TRMT44: variants seen among roughly 807,000 people sequenced by gnomAD.
The protein encoded by TRMT44 is probable tRNA (uracil-O(2)-)-methyltransferase.
In TRMT44, 78 loss-of-function variants were observed where a neutral mutation model predicts 77.3. That is an observed-to-expected ratio of 1.01 (90% CI 0.84 to 1.22). TRMT44 has a LOEUF of 1.22. Ranked by LOEUF, TRMT44 falls within the 50% of genes most tolerant of loss-of-function variation. The pLI is 0.00. For synonymous variants in TRMT44, 391 were observed against 383.3 expected (o/e 1.02, Z -0.23); for missense variants, 1,090 against 964.4 (o/e 1.13, Z -1.73).
At chr4:8,500,357 T>C in the TRMT44 span, among the ~76,000 whole-genome samples, 1 of 151,910 alleles carries the variant, frequency 6.6e-6, no homozygotes, top group Non-Finnish European at 1.5e-5. Flanking sequence ...CTGGGCTTAG[T>C]GACGTGCACC....
chr4:8,461,852 T>C lies in TRMT44; in HGVS notation c.1204-2133T>C, dbSNP rs1172242210. On this transcript the variant is annotated intron_variant, in intron 6 of 10. Transcript: ENST00000389737. This position sits in a 1 kb window ranked among gnomAD's most constrained non-coding sequence, Gnocchi z 4.6. ...ACGTGCACATGGTGTTTGTGGATTTTCTAGTGAATGATTTCCTTCCAGCTG... is the reference window on the plus strand; with the variant it reads ...ACGTGCACATGGTGTTTGTGGATTTCCTAGTGAATGATTTCCTTCCAGCTG... 6.6e-6 allele frequency among the ~76,000 whole-genome samples: 1 copy of C among 152,194 alleles called. No homozygotes were observed. The highest frequency in any genetic ancestry group is 6.5e-5 in the Admixed American group (1 of 15,282).
intron 10 of TRMT44, among the ~76,000 whole-genome samples, chr4:8,472,744 C>G (rs758146120): frequency 6.6e-6 from 1 of 152,178 alleles, no homozygotes; most frequent in Non-Finnish European, 1.5e-5. Flanking sequence ...CCTGAGGCTG[C>G]CCCCAGAGTA....
chr4:8,506,154 C>T, the TRMT44 span, among the ~76,000 whole-genome samples: 1 of 152,218 alleles, frequency 6.6e-6, no homozygotes, highest in Admixed American at 6.5e-5. Context: ...AGAGAAGGGG[C>T]ACTCCCTGCT....
rs113458147 is a variant in TRMT44, at chr4:8,450,443, G to GAA, written c.954+564_954+565dup. ...TTTAATTGAAAAGTAATGGAACCTTGAAAAAAAAAATGGCTAAATTACCAT... is the reference window on the plus strand; with the variant it reads ...TTTAATTGAAAAGTAATGGAACCTTGAAAAAAAAAAAATGGCTAAATTACCAT... On this transcript the variant is annotated intron_variant, in intron 3 of 10. Coordinates refer to ENST00000389737, the MANE Select transcript of TRMT44 (RefSeq NM_152544.3). Among the ~76,000 whole-genome samples, 19 of 147,418 alleles carry GAA rather than the reference G, an allele frequency of 1.3e-4. 1 individual carries two copies. Among genetic ancestry groups the GAA allele is most frequent in the African/African-American group, 4.0e-4 (16 of 40,348 alleles).
intron 6 of TRMT44, among the ~76,000 whole-genome samples, chr4:8,463,354 C>A (rs148414442): frequency 3.0e-4 from 46 of 152,282 alleles, no homozygotes; most frequent in African/African-American, 1.1e-3. Flanking sequence ...GTTCTTAAAT[C>A]ATAAAAGCAA....
the TRMT44 span, among the ~76,000 whole-genome samples, chr4:8,504,278 G>A: frequency 6.6e-6 from 1 of 152,148 alleles, no homozygotes; most frequent in East Asian, 1.9e-4. This position sits in a 1 kb window ranked among gnomAD's most constrained non-coding sequence, Gnocchi z 5.3. Context: ...GCTCCTGCAG[G>A]GCTGAGCAAT....
At position 8,464,542 on chromosome 4, in the gene TRMT44, C is replaced by T. The variant is rs141291270; in HGVS notation, c.1310+451C>T. On this transcript the variant is annotated intron_variant, in intron 7 of 10. Transcript: ENST00000389737. ...TGTGTGTGTCCGAGAGACTTGGTCA[C>T]GAAGCAGGTTGTGCTGCTCCTCGTT... 5.1e-4 allele frequency among the ~76,000 whole-genome samples: 77 copies of T among 152,346 alleles called. No individual in the cohort carries two copies. In the East Asian group the frequency reaches 0.011, roughly 21 times the overall value.
the TRMT44 span, among the ~76,000 whole-genome samples, chr4:8,516,623 TA>T: frequency 1.3e-5 from 2 of 151,674 alleles, no homozygotes; most frequent in Non-Finnish European, 2.9e-5. Context: ...CTACCAAGAA[TA>T]AAAAAAATTA....
At chr4:8,497,162 A>G (rs535177366), downstream of TRMT44, among the ~76,000 whole-genome samples, 31 of 61,018 alleles carry the variant, frequency 5.1e-4, no homozygotes, top group Admixed American at 8.4e-4. Flanking sequence ...AGGTTGAGGG[A>G]AAAAAAAAAA....
At chr4:8,460,679 G>A (rs1017670117) in intron 6 of TRMT44, among the ~76,000 whole-genome samples, 6 of 151,440 alleles carry the variant, frequency 4.0e-5, no homozygotes, top group Non-Finnish European at 7.4e-5. Flanking sequence ...TCAACCTCCC[G>A]GGTAGCTAGG....
intron 7 of TRMT44, among the ~76,000 whole-genome samples, chr4:8,464,765 A>G (rs16842316): frequency 0.026 from 3,959 of 152,324 alleles, 94 homozygotes; most frequent in African/African-American, 0.065. Flanking sequence ...GGAAAAAATC[A>G]TTTTTATAAA....
At chr4:8,465,026 G>A (rs573280268) in intron 7 of TRMT44, among the ~76,000 whole-genome samples, 14 of 152,268 alleles carry the variant, frequency 9.2e-5, no homozygotes, top group Admixed American at 7.2e-4. Context: ...AGTACACAGG[G>A]ACATCAAGAT....
At chr4:8,491,296 A>G (rs550718259) in intron 2 of TRMT44, among the ~76,000 whole-genome samples, 3 of 152,258 alleles carry the variant, frequency 2.0e-5, no homozygotes, top group Non-Finnish European at 4.4e-5. Context: ...CCTGAGCTAG[A>G]CATAAAGACT....
At chr4:8,479,539 T>C (rs1727548455), downstream of TRMT44, 1 of 151,966 alleles carries the variant, frequency 6.6e-6, no homozygotes, top group East Asian at 2.0e-4. Flanking sequence ...CAATGGTAAG[T>C]GTCTGTATCT....
chr4:8,449,949 C>CTTTTTTTTTTTTT (rs745915221), intron 3 of TRMT44, 61 bp downstream of exon 3: 67 of 239,132 alleles, frequency 2.8e-4, no homozygotes, highest in South Asian at 7.8e-4. Context: ...CTTTTCTTTT[C>CTTTTTTTTTTTTT]TTTTTTTTTT....
chr4:8,448,117 G>T (rs1302766076), intron 2 of TRMT44, among the ~76,000 whole-genome samples: 1 of 152,114 alleles, frequency 6.6e-6, no homozygotes, highest in Non-Finnish European at 1.5e-5. Context: ...CCTTCCCAGG[G>T]TGGCATTTCT....
At chr4:8,491,781 C>G (rs1047196818) in intron 2 of TRMT44, among the ~76,000 whole-genome samples, 1 of 152,222 alleles carries the variant, frequency 6.6e-6, no homozygotes, top group Non-Finnish European at 1.5e-5. Context: ...GGTTCCCGCT[C>G]GCGCCTCTCC....
chr4:8,487,057 A>T (rs934618075), intron 2 of TRMT44, among the ~76,000 whole-genome samples: 3 of 152,208 alleles, frequency 2.0e-5, no homozygotes, highest in African/African-American at 7.2e-5. Flanking sequence ...GAAGGGACTG[A>T]TGTGTAAAAG....
chr4:8,462,327 C>A (rs905206579), intron 6 of TRMT44, among the ~76,000 whole-genome samples: 5 of 152,172 alleles, frequency 3.3e-5, no homozygotes, highest in African/African-American at 1.2e-4. Context: ...AGGAGAATCT[C>A]TTGAACCAGG....
Sources: allele counts gnomAD v4.1 joint callset (sites outside exome capture counted in the v4.1 genomes callset), GRCh38; gene constraint gnomAD v4.1.1; non-coding constraint Gnocchi (gnomAD v3.1); transcripts MANE v1.5; gene names NCBI Gene and HGNC (gene_info 2026-07-23, HGNC 2026-07-21).